Variants in DOCK3 observed in about 807,000 individuals in gnomAD.
DOCK3 encodes dedicator of cytokinesis protein 3.
DOCK3 carries 60 observed loss-of-function variants against 265.6 expected under a neutral mutation model. The ratio of observed to expected loss-of-function variants is 0.23; its 90% confidence interval spans 0.18 to 0.28. DOCK3 has a LOEUF of 0.28. Ranked by LOEUF, DOCK3 falls within the 10% of genes least tolerant of loss-of-function variation. The pLI is 1.00. For missense variants in DOCK3, 1,981 were observed against 2,594.3 expected (o/e 0.76, Z 5.14); for synonymous variants, 881 against 938.0 (o/e 0.94, Z 1.11).
intron 1 of DOCK3, among the ~76,000 whole-genome samples, chr3:50,767,542 T>A (rs9830082): frequency 0.77 from 116,645 of 152,008 alleles, 45,709 homozygotes; most frequent in Middle Eastern, 0.88. Flanking sequence ...TAGTTTGAGG[T>A]CAGGTAGCAT....
At chr3:50,890,375 G>A (rs2048583173) in intron 4 of DOCK3, among the ~76,000 whole-genome samples, 1 of 151,960 alleles carries the variant, frequency 6.6e-6, no homozygotes, top group African/African-American at 2.4e-5. Context: ...TCATAGAGTA[G>A]GAGTTAAAGA....
chr3:51,062,508 A>T (rs1233345125), intron 5 of DOCK3, among the ~76,000 whole-genome samples: 1 of 152,136 alleles, frequency 6.6e-6, no homozygotes, highest in Non-Finnish European at 1.5e-5. Context: ...CTCCACCTAA[A>T]GCAGTACCTT....
At chr3:50,722,996 A>T (rs1279082720) in intron 1 of DOCK3, among the ~76,000 whole-genome samples, 2 of 151,912 alleles carry the variant, frequency 1.3e-5, no homozygotes, top group Non-Finnish European at 2.9e-5. Context: ...CTGGTCTCAA[A>T]CTCCAGAGCT....
At chr3:51,164,623 C>A (rs1361314525) in intron 12 of DOCK3, among the ~76,000 whole-genome samples, 1,701 of 105,940 alleles carry the variant, frequency 0.016, no homozygotes, top group South Asian at 0.024. Flanking sequence ...GACTCCGTCT[C>A]AAAAAAAAAA....
intron 2 of DOCK3, among the ~76,000 whole-genome samples, chr3:50,790,069 T>C (rs764509730): frequency 6.6e-6 from 1 of 152,196 alleles, no homozygotes; most frequent in Non-Finnish European, 1.5e-5. Flanking sequence ...CCTCTTTGTG[T>C]TTTTTTAACT....
At chr3:50,955,167 A>G (rs2076696061) in intron 5 of DOCK3, among the ~76,000 whole-genome samples, 1 of 152,182 alleles carries the variant, frequency 6.6e-6, no homozygotes, top group Admixed American at 6.5e-5. Flanking sequence ...CTATTTTTAA[A>G]AAGTCAAAAA....
At chr3:50,819,794 T>C (rs2044295611) in intron 2 of DOCK3, among the ~76,000 whole-genome samples, 2 of 152,082 alleles carry the variant, frequency 1.3e-5, no homozygotes. Flanking sequence ...AAACCCCGTC[T>C]CTACTAAAAA....
At chr3:51,036,422 C>T (rs1209016462) in intron 5 of DOCK3, among the ~76,000 whole-genome samples, 1 of 152,166 alleles carries the variant, frequency 6.6e-6, no homozygotes, top group Non-Finnish European at 1.5e-5. Flanking sequence ...TCAAAATATT[C>T]ATTGCCTGAC....
intron 4 of DOCK3, among the ~76,000 whole-genome samples, chr3:50,895,398 T>C (rs2048848781): frequency 6.6e-6 from 1 of 151,874 alleles, no homozygotes. Context: ...TTCTTCTTTT[T>C]TTTTTAAGGA....
chr3:51,087,766 T>C (rs1052305511), intron 7 of DOCK3, among the ~76,000 whole-genome samples: 1 of 152,064 alleles, frequency 6.6e-6, no homozygotes, highest in Admixed American at 6.6e-5. Context: ...AGAACTGATA[T>C]ACTGATATAC....
chr3:50,880,500 T>C, intron 3 of DOCK3: 1 of 191,742 alleles, frequency 5.2e-6, no homozygotes, highest in Non-Finnish European at 1.1e-5. Flanking sequence ...TGTAAACACC[T>C]CTACGCAAAT....
chr3:50,776,654 A>G (rs758762663), intron 1 of DOCK3, among the ~76,000 whole-genome samples: 7 of 152,004 alleles, frequency 4.6e-5, no homozygotes, highest in African/African-American at 1.2e-4. Flanking sequence ...GCTTAAGCCA[A>G]TGTTCAGGAG....
intron 12 of DOCK3, among the ~76,000 whole-genome samples, chr3:51,183,860 C>T (rs996062099): frequency 3.9e-5 from 6 of 152,084 alleles, no homozygotes; most frequent in African/African-American, 1.4e-4. Flanking sequence ...CATACAGTTA[C>T]ATATTAAAAG....
At chr3:50,953,433 T>G (rs1386586037) in intron 5 of DOCK3, among the ~76,000 whole-genome samples, 1 of 152,102 alleles carries the variant, frequency 6.6e-6, no homozygotes, top group Non-Finnish European at 1.5e-5. Context: ...TATTGTGAAT[T>G]GTCTCATTCC....
Position 51,104,640 on chromosome 3 carries a change from T to C in DOCK3, c.746+14256T>C, listed in dbSNP as rs541137551. Among the ~76,000 whole-genome samples the C allele has an allele frequency of 5.9e-5, 9 of 152,366 alleles. No homozygotes were observed. The East Asian group carries it at 7.7e-4, about 13-fold the overall frequency. On this transcript the variant is annotated intron_variant, in intron 9 of 52. Transcript: ENST00000266037. Reference sequence around the variant, plus strand: ...ATTTTAGTGGGATTGTGGACAATTATAGCTTTCTGCTTTTGCTTTTAAGTA... The same window carrying C: ...ATTTTAGTGGGATTGTGGACAATTACAGCTTTCTGCTTTTGCTTTTAAGTA...
intron 26 of DOCK3, among the ~76,000 whole-genome samples, chr3:51,279,108 C>T (rs1441531205): frequency 5.9e-5 from 9 of 151,970 alleles, no homozygotes; most frequent in East Asian, 3.9e-4. Flanking sequence ...AAAAATTAGC[C>T]GGGCATGGTG....
chr3:50,702,530 A>G (rs1366439742), intron 1 of DOCK3, among the ~76,000 whole-genome samples: 1 of 150,700 alleles, frequency 6.6e-6, no homozygotes. Context: ...CACCCAGCTA[A>G]TTTTTTTTTG....
At chr3:51,064,882 G>T (rs190814099) in intron 6 of DOCK3, among the ~76,000 whole-genome samples, 1 of 152,148 alleles carries the variant, frequency 6.6e-6, no homozygotes, top group Admixed American at 6.6e-5. Context: ...TTTGACCTCA[G>T]ATTTCTTGAT....
intron 23 of DOCK3, among the ~76,000 whole-genome samples, chr3:51,266,014 A>G (rs545341393): frequency 6.7e-6 from 1 of 150,236 alleles, no homozygotes; most frequent in South Asian, 2.1e-4. Context: ...GGATACAAAA[A>G]GCATTCCTAT....
Sources: gnomAD v4.1 joint callset for allele counts (sites outside exome capture counted in the v4.1 genomes callset) on GRCh38, gnomAD v4.1.1 for gene constraint, MANE v1.5 for transcripts, NCBI Gene and HGNC (gene_info 2026-07-23, HGNC 2026-07-21) for gene names.